NBPF26: variants seen among roughly 807,000 people sequenced by gnomAD.
NBPF26 encodes the protein NBPF member 26.
NBPF26 carries 79 observed loss-of-function variants against 119.6 expected under a neutral mutation model. The ratio of observed to expected loss-of-function variants is 0.66; its 90% CI spans 0.55 to 0.80. NBPF26 has a LOEUF of 0.80. Ranked by LOEUF, NBPF26 falls within the 30% of genes least tolerant of loss-of-function variation. The pLI is 0.00. For missense variants in NBPF26, 800 were observed against 1,198.2 expected (o/e 0.67, Z 4.91); for synonymous variants, 299 against 457.7 (o/e 0.65, Z 4.43).
chr1:120,768,678 C>T (rs1433846901), intron 2 of NBPF26, among the ~76,000 whole-genome samples: 1 of 99,918 alleles, frequency 1.0e-5, no homozygotes, highest in Non-Finnish European at 1.8e-5. Flanking sequence ...GCTTATATCC[C>T]TTCTAGTTTA....
exon 24 of NBPF26, chr1:120,833,712 C>G: frequency 1.6e-6 from 1 of 641,620 alleles, no homozygotes; most frequent in Admixed American, 2.7e-5. Flanking sequence ...CTCATGCCAG[C>G]CCTACAGAAG....
Position 120,815,048 on chromosome 1 carries a change from G to A in NBPF26, c.2092+5G>A. On this transcript the variant is annotated splice_donor_5th_base_variant and intron_variant, in intron 12 of 29. Coordinates refer to ENST00000620612, the Ensembl canonical transcript of NBPF26. ...TTGTCCAAAAGCTCAGCCCAGGTAA[G>A]GTGGCCATAGGCCCTGATGACCCAA... 1.0e-6 allele frequency: 1 copy of A among 970,852 alleles called. No individual in the cohort carries two copies. The highest frequency in any genetic ancestry group is 1.5e-6 in the Non-Finnish European group (1 of 652,266). 60.1% of individuals were successfully genotyped at this position (970,852 alleles called of 1,614,324 possible). A position where few individuals can be genotyped will look rare whatever the true frequency, so the allele number is the denominator to read the frequency against.
rs1427637383 is a variant in NBPF26, at chr1:120,805,301, G to C, written c.752-255G>C. ...TAATTCTGTTATTGCAACTGCAGAC[G>C]GTTACCTGGCACGCTGGCCACATTC... On this transcript the variant is annotated intron_variant, in intron 4 of 29. Coordinates refer to ENST00000620612, the Ensembl canonical transcript of NBPF26. The C allele has an allele frequency of 6.6e-6, 7 of 1,055,702 alleles. 2 individuals are homozygous for C. The highest frequency in any genetic ancestry group is 6.6e-6 in the Non-Finnish European group (5 of 755,486). 65.4% of individuals were successfully genotyped at this position (1,055,702 alleles called of 1,614,324 possible). A position where few individuals can be genotyped will look rare whatever the true frequency, so the allele number is the denominator to read the frequency against.
At chr1:120,785,019 C>T in exon 3 of NBPF26, 3 of 1,426,030 alleles carry the variant, frequency 2.1e-6, no homozygotes, top group South Asian at 1.2e-5. Context: ...ATCGAGACCC[C>T]TGTGAGAAGA....
In NBPF26 at chr1:120,805,393, C is replaced by A. The variant is rs1553269617; in HGVS notation, c.752-163C>A. The A allele has an allele frequency of 3.5e-6, 4 of 1,153,056 alleles. 1 individual carries two copies. The highest frequency in any genetic ancestry group is 4.7e-6 in the Non-Finnish European group (4 of 844,582). 71.4% of individuals were successfully genotyped at this position (1,153,056 alleles called of 1,614,324 possible). ...CAGCTCTGAGTTGAGGCACCTCGAACCTTGTTTTTGTGGTGAAGGATCCTA... is the reference window on the plus strand; with the variant it reads ...CAGCTCTGAGTTGAGGCACCTCGAAACTTGTTTTTGTGGTGAAGGATCCTA... On this transcript the variant is annotated intron_variant, in intron 4 of 29. Coordinates refer to ENST00000620612, the Ensembl canonical transcript of NBPF26.
chr1:120,807,400 A>T (rs1651724806), intron 5 of NBPF26, among the ~76,000 whole-genome samples: 1 of 124,050 alleles, frequency 8.1e-6, no homozygotes, highest in African/African-American at 3.9e-5. Context: ...TGCGCCCTTG[A>T]GTTTCTCTTT....
Position 120,807,534 on chromosome 1 carries a change from C to G in NBPF26, c.962-73C>G. 7 of 739,902 alleles carry G rather than the reference C, an allele frequency of 9.5e-6. 2 individuals are homozygous for G. The highest frequency in any genetic ancestry group is 1.5e-5 in the Non-Finnish European group (7 of 478,140). The allele number at this position is 739,902 out of a possible 1,614,324, so 45.8% of individuals were successfully genotyped here. On this transcript the variant is annotated intron_variant, in intron 5 of 29. Transcript: ENST00000620612. Reference sequence around the variant, plus strand: ...TTTTGTCCTTGGGATGGACCTGGCTCCTGCCCTGTAGGCAATGACCACAGC... The same window carrying G: ...TTTTGTCCTTGGGATGGACCTGGCTGCTGCCCTGTAGGCAATGACCACAGC...
chr1:120,812,280 C>A (rs1165940821), intron 10 of NBPF26, among the ~76,000 whole-genome samples, 185 bp downstream of exon 10: 1 of 97,438 alleles, frequency 1.0e-5, no homozygotes, highest in Non-Finnish European at 1.9e-5. Flanking sequence ...TAGCAACTTT[C>A]CATGTTTGCA....
At position 120,793,404 on chromosome 1, in the gene NBPF26, G is replaced by T; in HGVS notation, c.659G>T (p.Arg220Ile). The change falls in exon 4 of 30, where the codon AGA becomes ATA. Residue 220 changes from arginine to isoleucine, a missense_variant. Arg to Ile is a moderately conservative substitution (Grantham distance 97). Coordinates refer to ENST00000620612, the Ensembl canonical transcript of NBPF26. The stretch of plus-strand genomic sequence containing the variant: ...GGCTTCACAGGCCAGTACTGTGACA[G>T]ACTGTATGTGCCCTGTGCACACTCG... 7.6e-6 allele frequency: 11 copies of T among 1,441,088 alleles called. 2 individuals are homozygous for T. Among genetic ancestry groups the T allele is most frequent in the Non-Finnish European group, 9.3e-6 (10 of 1,078,166 alleles). The allele number at this position is 1,441,088 out of a possible 1,614,324, so 89.3% of individuals were successfully genotyped here. A position where few individuals can be genotyped will look rare whatever the true frequency, so the allele number is the denominator to read the frequency against.
intron 3 of NBPF26, among the ~76,000 whole-genome samples, chr1:120,790,498 C>T (rs1296672685): frequency 1.7e-5 from 2 of 115,750 alleles, no homozygotes; most frequent in Non-Finnish European, 3.3e-5. Flanking sequence ...TATATGGAAA[C>T]CAAATTCAGG....
intron 13 of NBPF26, 74 bp downstream of exon 13, chr1:120,816,231 G>A (rs1652003825): frequency 1.9e-6 from 1 of 521,422 alleles, no homozygotes; most frequent in Non-Finnish European, 3.1e-6. Flanking sequence ...ACCCTCTCTG[G>A]CATCTATGAT....
rs1193122540 is a variant in NBPF26 at position 120,777,483 on chromosome 1, T to C, written c.156-7491T>C. Among the ~76,000 whole-genome samples the C allele has an allele frequency of 8.8e-4, 97 of 110,752 alleles. 38 individuals carry two copies. Among genetic ancestry groups the C allele is most frequent in the African/African-American group, 5.3e-3 (96 of 18,242 alleles). 72.7% of individuals were successfully genotyped at this position (110,752 alleles called of 152,430 possible). Reference sequence around the variant, plus strand: ...TGTGTGAGAGTGAGAGATTGTATACTTGTCTTTGTTTCTTCACATACAACT... The same window carrying C: ...TGTGTGAGAGTGAGAGATTGTATACCTGTCTTTGTTTCTTCACATACAACT... On this transcript the variant is annotated intron_variant, in intron 2 of 29. Transcript: ENST00000620612.
rs1553273502 is a variant in NBPF26 at position 120,840,467 on chromosome 1, A to C, written c.4221A>C (p.Arg1407Ser). Residue 1407 changes from arginine to serine, a missense_variant, in exon 30 of 30, where the codon AGA becomes AGC. Physicochemically the swap from Arg to Ser is moderately radical, Grantham distance 110. Transcript: ENST00000620612. ...TACCTGACTCATTCCAGCACTACAG[A>C]AGTGTGTTTTACTCATTTGAGGAAG... is the stretch of plus-strand genomic sequence containing the variant. 3.6e-5 allele frequency: 53 copies of C among 1,479,070 alleles called. 11 individuals are homozygous for C. The highest frequency in any genetic ancestry group is 1.4e-4 in the East Asian group (6 of 44,418). The allele number at this position is 1,479,070 out of a possible 1,614,324, so 91.6% of individuals were successfully genotyped here. A position where few individuals can be genotyped will look rare whatever the true frequency, so the allele number is the denominator to read the frequency against.
intron 17 of NBPF26, among the ~76,000 whole-genome samples, chr1:120,823,641 G>A (rs1553272317): frequency 8.0e-6 from 1 of 125,024 alleles, no homozygotes; most frequent in Non-Finnish European, 1.6e-5. Context: ...CAAAATTATT[G>A]AGGACATGCT....
intron 3 of NBPF26, among the ~76,000 whole-genome samples, chr1:120,792,659 GC>G (rs1271180443): frequency 9.7e-6 from 1 of 102,714 alleles, no homozygotes; most frequent in Non-Finnish European, 1.9e-5. Flanking sequence ...GCGCCACCAT[GC>G]CCAGCTAATT....
At chr1:120,840,452 A>G in exon 30 of NBPF26, 2 of 1,476,682 alleles carry the variant, frequency 1.4e-6, no homozygotes, top group Middle Eastern at 4.8e-4. Context: ...TACCTGACTC[A>G]TTCCAGCACT....
Position 120,816,825 on chromosome 1 carries a change from C to T in NBPF26, c.2369C>T (p.Pro790Leu). ...TGGGAGGATGCTGTACACATTATTC[C>T]AGGTAGCCTCTGTTTTCCTTGTGTC... The change falls in exon 14 of 30, where the codon CCA becomes CTA. Residue 790 changes from proline to leucine, a missense_variant and splice_region_variant. Physicochemically the swap from Pro to Leu is moderately conservative, Grantham distance 98. Around this residue, in one of 13 missense-constraint regions of NBPF26, gnomAD observed 59 missense variants for 112.3 expected, o/e 0.53. Coordinates refer to ENST00000620612, the Ensembl canonical transcript of NBPF26. 4 of 1,447,406 alleles carry T rather than the reference C, an allele frequency of 2.8e-6. 1 individual carries two copies. The South Asian group carries it at 4.8e-5, about 17-fold the overall frequency. The allele number at this position is 1,447,406 out of a possible 1,614,324, so 89.7% of individuals were successfully genotyped here. A position where few individuals can be genotyped will look rare whatever the true frequency, so the allele number is the denominator to read the frequency against.
At position 120,808,537 on chromosome 1, in the gene NBPF26, C is replaced by T; in HGVS notation, c.1065-8C>T. Reference sequence around the variant, plus strand: ...TACTCTTAAATTTTCTCTACCGTCTCACCTTAGGCAATATAAAGTCCTGGT... The same window carrying T: ...TACTCTTAAATTTTCTCTACCGTCTTACCTTAGGCAATATAAAGTCCTGGT... On this transcript the variant is annotated splice_polypyrimidine_tract_variant and splice_region_variant and intron_variant, in intron 6 of 29. Coordinates refer to ENST00000620612, the Ensembl canonical transcript of NBPF26. The T allele has an allele frequency of 3.0e-6, 2 of 676,324 alleles. No individual in the cohort carries two copies. The highest frequency in any genetic ancestry group is 2.1e-5 in the Admixed American group (1 of 47,972). The allele number at this position is 676,324 out of a possible 1,614,324, so 41.9% of individuals were successfully genotyped here.
intron 11 of NBPF26, 37 bp from the exon 12 acceptor site, chr1:120,814,792 T>C (rs1477961108): frequency 7.8e-7 from 1 of 1,282,938 alleles, no homozygotes; most frequent in Non-Finnish European, 1.1e-6. Context: ...CACTCAACCC[T>C]TTCTACTCTT....
Sources: gnomAD v4.1 joint callset for allele counts (sites outside exome capture counted in the v4.1 genomes callset) on GRCh38, gnomAD v4.1.1 for gene constraint, gnomAD v4.1.1 regional missense constraint, MANE v1.5 for transcripts, NCBI Gene and HGNC (gene_info 2026-07-23, HGNC 2026-07-21) for gene names.